Variants in HEATR1 observed in about 807,000 individuals in gnomAD.
HEATR1 encodes HEAT repeat-containing protein 1.
HEATR1 carries 77 observed loss-of-function variants against 248.2 expected under a neutral mutation model. The observed-to-expected ratio is 0.31, with a 90% confidence interval of 0.26 to 0.37. The LOEUF (loss-of-function observed/expected upper bound fraction) is 0.37. Ranked by LOEUF, HEATR1 falls within the 10% of genes least tolerant of loss-of-function variation. The pLI, the probability that HEATR1 is intolerant of heterozygous loss-of-function variation, is 1.00. For synonymous variants in HEATR1, 897 were observed against 923.1 expected (o/e 0.97, Z 0.51); for missense variants, 2,420 against 2,504.9 (o/e 0.97, Z 0.72).
intron 21 of HEATR1, 84 bp downstream of exon 21, chr1:236,576,694 TAC>T: frequency 7.9e-7 from 1 of 1,263,564 alleles, no homozygotes; most frequent in Non-Finnish European, 1.1e-6. Flanking sequence ...TCAAAATCCC[TAC>T]ACAGTGAAAT....
At chr1:236,577,419 G>A (rs1663592060) in intron 20 of HEATR1, among the ~76,000 whole-genome samples, 1 of 152,042 alleles carries the variant, frequency 6.6e-6, no homozygotes, top group South Asian at 2.1e-4. Flanking sequence ...CCAAAGTGCT[G>A]GGATTACAGA....
In HEATR1 at chr1:236,590,973, T is replaced by C. The variant is rs772145204; in HGVS notation, c.1423-19A>G. On this transcript the variant is annotated intron_variant, in intron 11 of 44. Coordinates refer to ENST00000366582, the MANE Select transcript of HEATR1 (RefSeq NM_018072.6). The stretch of plus-strand genomic sequence containing the variant: ...CTAAAAACTACAGGGTTCAACATAG[T>C]TATCAAATGATTTCACTTAATCTGA... 2.4e-6 allele frequency: 3 copies of C among 1,243,900 alleles called. No homozygotes were observed. The South Asian group carries it at 6.1e-5, about 25-fold the overall frequency. The allele number at this position is 1,243,900 out of a possible 1,614,324, so 77.1% of individuals were successfully genotyped here. A position where few individuals can be genotyped will look rare whatever the true frequency, so the allele number is the denominator to read the frequency against.
chr1:236,551,210 A>G (rs1304300508), intron 44 of HEATR1: 11 of 512,274 alleles, frequency 2.1e-5, no homozygotes, highest in East Asian at 3.2e-5. Flanking sequence ...TGGAAGCTGA[A>G]TAAGAATCCC....
At chr1:236,568,678 G>A (rs1663336818) in intron 29 of HEATR1, among the ~76,000 whole-genome samples, 1 of 152,080 alleles carries the variant, frequency 6.6e-6, no homozygotes, top group South Asian at 2.1e-4. Flanking sequence ...TCCTGAAATA[G>A]ATGGTGGATG....
intron 3 of HEATR1, chr1:236,602,889 A>G (rs1470488949): frequency 3.1e-6 from 1 of 318,500 alleles, no homozygotes; most frequent in African/African-American, 2.1e-5. Context: ...TCAATATTGC[A>G]CTCCAGCCTG....
chr1:236,558,200 C>T (rs749591533), intron 36 of HEATR1, 37 bp downstream of exon 36: 7 of 1,573,344 alleles, frequency 4.4e-6, no homozygotes, highest in East Asian at 2.2e-5. Flanking sequence ...GTGTGCCAGG[C>T]GGTAACAGCT....
At chr1:236,582,437 T>A (rs1349549935) in intron 19 of HEATR1, among the ~76,000 whole-genome samples, 30 of 28,384 alleles carry the variant, frequency 1.1e-3, no homozygotes, top group African/African-American at 1.6e-3. Flanking sequence ...AGTCTCACTC[T>A]TGTCACCCAG....
intron 44 of HEATR1, chr1:236,551,757 T>C: frequency 2.3e-6 from 1 of 429,538 alleles, no homozygotes; most frequent in African/African-American, 2.0e-5. Flanking sequence ...ATCGTGAAGA[T>C]TACACTGTAA....
intron 26 of HEATR1, among the ~76,000 whole-genome samples, chr1:236,572,083 C>T (rs1206010642): frequency 6.6e-6 from 1 of 151,984 alleles, no homozygotes; most frequent in Non-Finnish European, 1.5e-5. Flanking sequence ...AGATAGCAAA[C>T]ACTATATACA....
rs139925165 is a variant in HEATR1 at position 236,564,562 on chromosome 1, T to C, written c.4535A>G (p.His1512Arg). The C allele has an allele frequency of 6.2e-7, 1 of 1,614,036 alleles. No homozygotes were observed. Residue 1512 changes from histidine to arginine, a missense_variant, in exon 32 of 45, where the codon CAT (histidine) becomes CGT (arginine). Physicochemically the swap from His to Arg is conservative, Grantham distance 29. Transcript: ENST00000366582. ...GAAGGACACTGACAAAAATTTAAAA[T>C]GCCGCAGTTGCTTGCTAGTGTGAGT... ...VETHTSKQLR[H>R]FKFLSVSFMS... is the part of the protein sequence containing the mutation.
rs773482506 is a variant in HEATR1 at position 236,554,662 on chromosome 1, A to C, written c.6014T>G (p.Phe2005Cys). The C allele has an allele frequency of 6.2e-7, 1 of 1,613,732 alleles. No homozygotes were observed. Among genetic ancestry groups the C allele is most frequent in the South Asian group, 1.1e-5 (1 of 90,882 alleles). ...ILNCLYKIFL[F>C]DTQHFISKER... is the part of the protein sequence containing the mutation. ...TTTACTTATAAAATGCTGGGTATCA[A>C]AAAGGAAGATTTTGTATAAACAGTT... Residue 2005 changes from phenylalanine to cysteine, a missense_variant, in exon 42 of 45, where the codon TTT (phenylalanine) becomes TGT (cysteine). Physicochemically the swap from Phe to Cys is radical, Grantham distance 205 (BLOSUM62 -2). Transcript: ENST00000366582.
chr1:236,599,740 G>T, intron 3 of HEATR1, 116 bp from the exon 4 acceptor site: 1 of 951,150 alleles, frequency 1.1e-6, no homozygotes, highest in Non-Finnish European at 1.5e-6. Flanking sequence ...ACGAGTAGCA[G>T]TAAAAATCAC....
rs756800845 is a variant in HEATR1 at position 236,574,697 on chromosome 1, C to A, written c.3291G>T (p.Ala1097=). The part of the protein sequence containing the change: ...KAVHTTKELY[A]GMPTIQITAL... ...CTGTGATCTGAATGGTTGGCATTCC[C>A]GCGTAAAGTTCCTTTGTTGTGTGCA... The change falls in exon 23 of 45, where the codon GCG becomes GCT. Residue 1097 remains alanine (A), a synonymous_variant. Coordinates refer to ENST00000366582, the MANE Select transcript of HEATR1 (RefSeq NM_018072.6). 1 of 1,613,774 alleles carries A rather than the reference C, an allele frequency of 6.2e-7. No individual in the cohort carries two copies. The highest frequency in any genetic ancestry group is 1.7e-5 in the Admixed American group (1 of 60,004).
intron 3 of HEATR1, among the ~76,000 whole-genome samples, chr1:236,602,654 G>A (rs1023797694): frequency 7.2e-5 from 11 of 152,188 alleles, no homozygotes; most frequent in East Asian, 1.9e-4. Flanking sequence ...GCTGGGCGAG[G>A]TGGCTCACAC....
At chr1:236,553,289 C>A (rs975561385) in intron 43 of HEATR1, among the ~76,000 whole-genome samples, 3 of 152,222 alleles carry the variant, frequency 2.0e-5, no homozygotes, top group African/African-American at 4.8e-5. Context: ...TACTTCAAAT[C>A]TTTGTTATTT....
chr1:236,559,887 A>G (rs1355618900), intron 33 of HEATR1, 50 bp from the exon 34 acceptor site: 1 of 1,541,810 alleles, frequency 6.5e-7, no homozygotes, highest in Non-Finnish European at 8.8e-7. Flanking sequence ...GCACTCAGAG[A>G]ACTTGTTCAT....
In HEATR1 at chr1:236,569,005, T is replaced by C; in HGVS notation, c.4068A>G (p.Ala1356=). 1.3e-6 allele frequency: 2 copies of C among 1,598,512 alleles called. No homozygotes were observed. Among genetic ancestry groups the C allele is most frequent in the Non-Finnish European group, 1.7e-6 (2 of 1,174,092 alleles). ...TATAAAGAGACCTTACCTGAATAAGTGCGGGAATAACCATTTTCACTGTCT... is the reference window on the plus strand; with the variant it reads ...TATAAAGAGACCTTACCTGAATAAGCGCGGGAATAACCATTTTCACTGTCT... ...INKTVKMVIP[A]LIQSDSGDSI... is the part of the protein sequence containing the mutation. Residue 1356 remains alanine, a synonymous_variant, in exon 29 of 45, where the codon GCA becomes GCG. Transcript: ENST00000366582.
chr1:236,557,380 A>G (rs1663007280), intron 36 of HEATR1, 35 bp from the exon 37 acceptor site: 2 of 1,608,746 alleles, frequency 1.2e-6, no homozygotes, highest in African/African-American at 2.7e-5. Flanking sequence ...AAGAACTTGA[A>G]GCAGAAACAG....
At chr1:236,561,566 T>C (rs58671738) in intron 32 of HEATR1, among the ~76,000 whole-genome samples, 17,494 of 152,130 alleles carry the variant, frequency 0.11, 1,864 homozygotes, top group African/African-American at 0.28. Flanking sequence ...GCTGAGCTGG[T>C]GAGCTCACAT....
Sources: allele counts gnomAD v4.1 joint callset (sites outside exome capture counted in the v4.1 genomes callset), GRCh38; gene constraint gnomAD v4.1.1; transcripts MANE v1.5; gene names NCBI Gene and HGNC (gene_info 2026-07-23, HGNC 2026-07-21).